COMMD7: variants seen among roughly 807,000 people sequenced by gnomAD.
COMMD7 encodes the protein COMM domain containing 7, also known as COMM domain-containing protein 7.
A neutral mutation model predicts 34.8 loss-of-function variants in COMMD7; 28 were observed. The ratio of observed to expected loss-of-function variants is 0.80; its 90% CI spans 0.60 to 1.10. The LOEUF is 1.10. Among genes scored for constraint, COMMD7 ranks in the 50% least tolerant of loss-of-function variants. The pLI is 0.00. For missense variants in COMMD7, 211 were observed against 241.6 expected (o/e 0.87, Z 0.84); for synonymous variants, 80 against 86.4 (o/e 0.93, Z 0.41).
At chr20:32,711,409 GTTAC>G (rs1438646532) in intron 3 of COMMD7, among the ~76,000 whole-genome samples, 22 of 96,684 alleles carry the variant, frequency 2.3e-4, no homozygotes, top group Admixed American at 1.8e-3. Context: ...AAAAAAAAAT[GTTAC>G]TTAAAAAAAA....
chr20:32,716,513 G>T (rs1367008482), intron 3 of COMMD7, among the ~76,000 whole-genome samples: 1 of 152,156 alleles, frequency 6.6e-6, no homozygotes, highest in Non-Finnish European at 1.5e-5. Context: ...TACTTGGGAG[G>T]CTGAGGCAGG....
intron 6 of COMMD7, 47 bp from the exon 7 acceptor site, chr20:32,704,536 G>A (rs1162717528): frequency 6.3e-7 from 1 of 1,581,560 alleles, no homozygotes; most frequent in Non-Finnish European, 8.6e-7. Context: ...GAAATAACAA[G>A]TGACTGATTG....
chr20:32,722,534 G>A lies in COMMD7; in HGVS notation c.241+5359C>T, dbSNP rs569729065. ...AGGTCAGGAGTTCAAGACCAGCCTG[G>A]CCAACATGGTGAAACTTGGTCTCTA... On this transcript the variant is annotated intron_variant, in intron 3 of 8. Transcript: ENST00000278980. Among the ~76,000 whole-genome samples the A allele has an allele frequency of 2.1e-4, 32 of 152,170 alleles. No homozygotes were observed. In the South Asian group the frequency reaches 6.6e-3, roughly 32 times the overall value.
intron 1 of COMMD7, 41 bp downstream of exon 1, chr20:32,743,267 T>C: frequency 1.6e-6 from 1 of 620,294 alleles, no homozygotes; most frequent in Non-Finnish European, 2.6e-6. Context: ...GATCCTGGAA[T>C]CACCTGGGCC....
rs1392965595 is a variant in COMMD7 at position 32,706,523 on chromosome 20, AAAAG to A, written c.336+56_336+59del. On this transcript the variant is annotated intron_variant, in intron 5 of 8. Coordinates refer to ENST00000278980, the MANE Select transcript of COMMD7 (RefSeq NM_053041.3). ...ATGCGACTCCATCTCAAAAAAAAAA[AAAAG>A]AAAGAAAAGCAAGGGATCTTAATCA... is the stretch of plus-strand genomic sequence containing the variant. 9.1e-6 allele frequency: 13 copies of A among 1,424,034 alleles called. No individual in the cohort carries two copies. The East Asian group carries it at 1.1e-4, about 12-fold the overall frequency. The allele number at this position is 1,424,034 out of a possible 1,614,324, so 88.2% of individuals were successfully genotyped here.
intron 8 of COMMD7, 40 bp downstream of exon 8, chr20:32,703,983 C>CA: frequency 1.2e-6 from 2 of 1,613,486 alleles, no homozygotes; most frequent in South Asian, 1.1e-5. Flanking sequence ...GCAGAGAACA[C>CA]AAAAAAGGTG....
At position 32,717,243 on chromosome 20, in the gene COMMD7, C is replaced by T. The variant is rs539238836; in HGVS notation, c.242-10483G>A. 5.3e-5 allele frequency among the ~76,000 whole-genome samples: 8 copies of T among 152,134 alleles called. No individual in the cohort carries two copies. In the East Asian group the frequency reaches 1.4e-3, roughly 26 times the overall value. On this transcript the variant is annotated intron_variant, in intron 3 of 8. Coordinates refer to ENST00000278980, the MANE Select transcript of COMMD7 (RefSeq NM_053041.3). ...TAATCATGGCTCACTGCAGCCTGGA[C>T]TCCTGGGCTCAAGGTATCTTCCTGT... is the stretch of plus-strand genomic sequence containing the variant.
chr20:32,727,814 C>T, intron 3 of COMMD7, 79 bp downstream of exon 3: 3 of 1,203,148 alleles, frequency 2.5e-6, no homozygotes, highest in Non-Finnish European at 3.7e-6. Context: ...GCCCACGGAG[C>T]ATGCTTCAAT....
At chr20:32,704,985 T>G in intron 5 of COMMD7, 81 bp from the exon 6 acceptor site, 6 of 984,022 alleles carry the variant, frequency 6.1e-6, no homozygotes, top group Non-Finnish European at 9.6e-6. Context: ...TTGCAATATT[T>G]AGCATTGACA....
chr20:32,743,240 CCCCCACCCCA>C, intron 1 of COMMD7, 58 bp downstream of exon 1: 1 of 810,206 alleles, frequency 1.2e-6, no homozygotes, highest in Middle Eastern at 3.7e-4. Flanking sequence ...CCGGACGTCC[CCCCCACCCCA>C]GGCCCGGATC....
At chr20:32,739,985 G>C (rs55710103) in intron 1 of COMMD7, among the ~76,000 whole-genome samples, 6 of 141,212 alleles carry the variant, frequency 4.2e-5, no homozygotes, top group African/African-American at 8.0e-5. Flanking sequence ...TCACATCCCC[G>C]CACTCTAGCC....
At chr20:32,727,813 G>A (rs1985602088) in intron 3 of COMMD7, 80 bp downstream of exon 3, 5 of 1,203,612 alleles carry the variant, frequency 4.2e-6, no homozygotes, top group African/African-American at 1.5e-5. Flanking sequence ...GGCCCACGGA[G>A]CATGCTTCAA....
intron 3 of COMMD7, among the ~76,000 whole-genome samples, chr20:32,711,910 C>T (rs1031562947): frequency 4.6e-5 from 7 of 151,888 alleles, no homozygotes; most frequent in African/African-American, 1.7e-4. Flanking sequence ...ATGGGCTGGG[C>T]GTGGTGGCTC....
At chr20:32,742,879 A>T (rs1323476789) in intron 1 of COMMD7, among the ~76,000 whole-genome samples, 2 of 151,552 alleles carry the variant, frequency 1.3e-5, no homozygotes, top group Non-Finnish European at 2.9e-5. Flanking sequence ...CCTGCCAAAC[A>T]TCTATCTCCC....
intron 5 of COMMD7, among the ~76,000 whole-genome samples, chr20:32,705,361 T>C (rs1411974452): frequency 9.5e-6 from 1 of 105,060 alleles, no homozygotes; most frequent in Non-Finnish European, 2.0e-5. Context: ...TGTGTGTGTA[T>C]ATATATATAT....
At chr20:32,715,589 T>C (rs6087974) in intron 3 of COMMD7, among the ~76,000 whole-genome samples, 27,009 of 150,772 alleles carry the variant, frequency 0.18, 2,627 homozygotes, top group East Asian at 0.4. Context: ...GGTGGACTGC[T>C]TGAACTCAGG....
chr20:32,741,611 G>A (rs761818358), intron 1 of COMMD7, among the ~76,000 whole-genome samples: 8 of 152,134 alleles, frequency 5.3e-5, no homozygotes, highest in South Asian at 4.2e-4. Context: ...GGATGGTCTC[G>A]ATCTCCTGAC....
rs1215698610 is a variant in COMMD7 at position 32,740,171 on chromosome 20, G to T, written c.84+3137C>A. Among the ~76,000 whole-genome samples, 3 of 141,418 alleles carry T rather than the reference G, an allele frequency of 2.1e-5. 1 individual carries two copies. The highest frequency in any genetic ancestry group is 8.0e-5 in the African/African-American group (3 of 37,398). The allele number at this position is 141,418 out of a possible 152,430, so 92.8% of individuals were successfully genotyped here. ...TCTCTATTAAAAATATAAAAAATCA[G>T]CCGGGCATGGTCGCAGGCAGCTGTA... is the stretch of plus-strand genomic sequence containing the variant. On this transcript the variant is annotated intron_variant, in intron 1 of 8. Coordinates refer to ENST00000278980, the MANE Select transcript of COMMD7 (RefSeq NM_053041.3).
intron 1 of COMMD7, among the ~76,000 whole-genome samples, chr20:32,735,625 C>G (rs1366639219): frequency 1.3e-5 from 2 of 151,982 alleles, no homozygotes; most frequent in Admixed American, 1.3e-4. Flanking sequence ...CTATAAGAAA[C>G]TATTAAAATG....
Sources: allele counts gnomAD v4.1 joint callset (sites outside exome capture counted in the v4.1 genomes callset), GRCh38; gene constraint gnomAD v4.1.1; transcripts MANE v1.5; gene names NCBI Gene and HGNC (gene_info 2026-07-23, HGNC 2026-07-21).